The following RASA3 variants were observed in gnomAD, a reference collection of about 807,000 sequenced individuals.
RASA3 encodes RAS p21 protein activator 3.
In RASA3, 73 loss-of-function variants were observed where a neutral mutation model predicts 110.0. That is an observed-to-expected ratio of 0.66 (90% CI 0.55 to 0.81). RASA3 has a LOEUF of 0.81. Among genes scored for constraint, RASA3 ranks in the 30% least tolerant of loss-of-function variants. RASA3 has a pLI of 0.00. For synonymous variants in RASA3, 500 were observed against 451.4 expected (o/e 1.11, Z -1.37); for missense variants, 976 against 1,113.2 (o/e 0.88, Z 1.75).
chr13:114,043,175 G>A (rs1242931265), intron 3 of RASA3, among the ~76,000 whole-genome samples: 2 of 152,190 alleles, frequency 1.3e-5, no homozygotes, highest in Non-Finnish European at 1.5e-5. Flanking sequence ...ACCAGCTCCA[G>A]ACCCTATGGG....
chr13:114,043,770 T>C (rs779214551), intron 3 of RASA3, among the ~76,000 whole-genome samples: 2 of 151,602 alleles, frequency 1.3e-5, no homozygotes, highest in Non-Finnish European at 2.9e-5. Context: ...CAATGGCCTC[T>C]AATGGCGCAG....
chr13:114,025,652 C>T (rs1278908626), intron 7 of RASA3, among the ~76,000 whole-genome samples: 3 of 152,254 alleles, frequency 2.0e-5, no homozygotes, highest in Admixed American at 6.5e-5. Flanking sequence ...GCACCTGACA[C>T]GTGTTGAGTG....
At chr13:114,130,753 G>C (rs916960502) in intron 1 of RASA3, among the ~76,000 whole-genome samples, 1 of 151,874 alleles carries the variant, frequency 6.6e-6, no homozygotes, top group Middle Eastern at 3.4e-3. Flanking sequence ...CCCCACCCCC[G>C]AGCCGCAAAG....
intron 1 of RASA3, among the ~76,000 whole-genome samples, chr13:114,079,479 T>C (rs1418882467): frequency 3.9e-5 from 6 of 152,304 alleles, no homozygotes; most frequent in Admixed American, 2.0e-4. Context: ...CCTAAAAATT[T>C]TGCTAGGCAC....
chr13:114,089,887 A>G (rs1405621702), intron 1 of RASA3, among the ~76,000 whole-genome samples: 3 of 151,562 alleles, frequency 2.0e-5, no homozygotes, highest in African/African-American at 7.3e-5. Flanking sequence ...ATTTCATGGA[A>G]TGGGACCACA....
chr13:114,055,837 C>T (rs1284916834), intron 2 of RASA3, among the ~76,000 whole-genome samples: 1 of 152,226 alleles, frequency 6.6e-6, no homozygotes, highest in African/African-American at 2.4e-5. Flanking sequence ...GTGCATCTCA[C>T]ACAAGAAGCC....
At chr13:114,041,417 T>A (rs369446493) in intron 3 of RASA3, among the ~76,000 whole-genome samples, 8 of 152,392 alleles carry the variant, frequency 5.2e-5, no homozygotes, top group African/African-American at 1.9e-4. Flanking sequence ...AAGTCTCCAC[T>A]GTGTCCCTTC....
At position 114,041,005 on chromosome 13, in the gene RASA3, C is replaced by G; in HGVS notation, c.367G>C (p.Val123Leu). Reference protein sequence around the residue: ...QLQHVDADSEVQGKVHLELRL... With the variant: ...QLQHVDADSELQGKVHLELRL... ...GGCTGCGCCGAGAGTCTCACCTGCA[C>G]TTCCGAGTCAGCGTCCACGTGCTGC... The change falls in exon 4 of 24, where the codon GTG (valine) becomes CTG (leucine). Residue 123 changes from valine (V) to leucine (L), a missense_variant. This residue lies in a region of RASA3 where 732 missense variants were observed against 779.7 expected (regional missense o/e 0.94). Transcript: ENST00000334062. 3.1e-6 allele frequency: 5 copies of G among 1,613,640 alleles called. No homozygotes were observed. Among genetic ancestry groups the G allele is most frequent in the Non-Finnish European group, 4.2e-6 (5 of 1,180,012 alleles).
intron 3 of RASA3, among the ~76,000 whole-genome samples, chr13:114,049,653 T>C (rs569786677): frequency 1.3e-5 from 2 of 152,370 alleles, no homozygotes; most frequent in South Asian, 4.1e-4. Context: ...CGGTCACACC[T>C]CAATTCGCGC....
chr13:114,052,002 T>C (rs1002576896), intron 3 of RASA3, 50 bp downstream of exon 3: 11 of 1,425,606 alleles, frequency 7.7e-6, no homozygotes, highest in Non-Finnish European at 1.1e-5. Flanking sequence ...AATACTCGCC[T>C]GGTACAGAAC....
chr13:114,116,807 TGTGTGTGAAGAGAGCAC>T (rs2080282519), intron 1 of RASA3, among the ~76,000 whole-genome samples: 3 of 80,638 alleles, frequency 3.7e-5, no homozygotes, highest in African/African-American at 1.0e-4. Context: ...GAGGGGTGCA[TGTGTGTGAAGAGAGCAC>T]GTGTGTGAGG....
At chr13:114,095,638 A>G (rs2079932699) in intron 1 of RASA3, among the ~76,000 whole-genome samples, 1 of 151,914 alleles carries the variant, frequency 6.6e-6, no homozygotes, top group Non-Finnish European at 1.5e-5. Context: ...GTCCACTCAC[A>G]CTCACAAGTC....
intron 3 of RASA3, among the ~76,000 whole-genome samples, chr13:114,041,300 T>C (rs1469917756): frequency 1.3e-5 from 2 of 152,180 alleles, no homozygotes; most frequent in Admixed American, 1.3e-4. Context: ...GCCTGAGCGA[T>C]ATGGTGAAAA....
rs141485314 is a variant in RASA3, at chr13:114,062,327, G to A, written c.174-10172C>T. 1.8e-3 allele frequency among the ~76,000 whole-genome samples: 281 copies of A among 152,032 alleles called. 2 individuals carry two copies. Among genetic ancestry groups the A allele is most frequent in the South Asian group, 4.6e-3 (22 of 4,806 alleles). On this transcript the variant is annotated intron_variant, in intron 2 of 23. Coordinates refer to ENST00000334062, the MANE Select transcript of RASA3 (RefSeq NM_007368.4). ...GCAAAAATTCATTGAGGGGGGGCTC[G>A]CATTGTACAAAGAAAATCAGACCCA...
rs369336425 is a variant in RASA3 at position 114,000,810 on chromosome 13, C to T, written c.1849+16G>A. 3.1e-5 allele frequency: 49 copies of T among 1,568,312 alleles called. No homozygotes were observed. The highest frequency in any genetic ancestry group is 9.5e-5 in the African/African-American group (7 of 73,866). Reference sequence around the variant, plus strand: ...ACGCTCCAGCAAGAGCCAGGGAAAGCGACCTTGCTCCTTACCTTTGCTTTT... The same window carrying T: ...ACGCTCCAGCAAGAGCCAGGGAAAGTGACCTTGCTCCTTACCTTTGCTTTT... On this transcript the variant is annotated intron_variant, in intron 19 of 23. Coordinates refer to ENST00000334062, the MANE Select transcript of RASA3 (RefSeq NM_007368.4).
intron 18 of RASA3, among the ~76,000 whole-genome samples, chr13:114,001,691 C>T (rs1013687053): frequency 6.3e-4 from 95 of 151,320 alleles, no homozygotes; most frequent in African/African-American, 1.1e-3. Flanking sequence ...AGGCAGCGGA[C>T]GCTCACACAC....
chr13:114,038,582 G>A (rs117668473), intron 4 of RASA3, among the ~76,000 whole-genome samples: 4,036 of 152,308 alleles, frequency 0.026, 76 homozygotes, highest in Non-Finnish European at 0.045. Context: ...CCCCACAGCT[G>A]GGCTCATGGT....
chr13:114,073,679 G>A, intron 2 of RASA3, 41 bp downstream of exon 2: 1 of 1,508,752 alleles, frequency 6.6e-7, no homozygotes, highest in Non-Finnish European at 9.2e-7. Context: ...CTACACCAAA[G>A]AAAACACATC....
In RASA3 at chr13:114,115,573, A is replaced by T. The variant is rs1286362549; in HGVS notation, c.55+16862T>A. On this transcript the variant is annotated intron_variant, in intron 1 of 23. Transcript: ENST00000334062. The surrounding 1 kb of genome is among the most constrained non-coding windows in gnomAD (Gnocchi z 5.0). The stretch of plus-strand genomic sequence containing the variant: ...GGAGGCAGAGTGCAGGCCTCGAAGC[A>T]GCTGGTCATGTCCACGCCCTCTGCA... Among the ~76,000 whole-genome samples, 3 of 152,234 alleles carry T rather than the reference A, an allele frequency of 2.0e-5. No homozygotes were observed. Among genetic ancestry groups the T allele is most frequent in the Non-Finnish European group, 2.9e-5 (2 of 68,034 alleles).
Sources: allele counts gnomAD v4.1 joint callset (sites outside exome capture counted in the v4.1 genomes callset), GRCh38; gene constraint gnomAD v4.1.1; regional missense constraint gnomAD v4.1.1; non-coding constraint Gnocchi (gnomAD v3.1); transcripts MANE v1.5; gene names NCBI Gene and HGNC (gene_info 2026-07-23, HGNC 2026-07-21).